The following HELQ variants were observed in gnomAD, a reference collection of about 807,000 sequenced individuals.
HELQ encodes helicase POLQ-like.
In HELQ, 77 loss-of-function variants were observed where a neutral mutation model predicts 111.6. That is an observed-to-expected ratio of 0.69 (90% confidence interval 0.57 to 0.83). The LOEUF (loss-of-function observed/expected upper bound fraction) is 0.83. Ranked by LOEUF, HELQ falls within the 40% of genes least tolerant of loss-of-function variation. HELQ has a pLI of 0.00. For synonymous variants in HELQ, 438 were observed against 454.7 expected (o/e 0.96, Z 0.47); for missense variants, 1,200 against 1,288.5 (o/e 0.93, Z 1.05).
rs780516261 is a variant in HELQ at position 83,448,864 on chromosome 4, C to T, written c.1110G>A (p.Glu370=). Residue 370 remains glutamate (E), a synonymous_variant, in exon 3 of 18, where the codon GAG becomes GAA. Transcript: ENST00000295488. ...AAAGCAGTTCTTGCAGCATTAAAATCTCAGCCACGAGGGTTTTTCCACCAC... is the reference window on the plus strand; with the variant it reads ...AAAGCAGTTCTTGCAGCATTAAAATTTCAGCCACGAGGGTTTTTCCACCAC... ...PTSGGKTLVA[E]ILMLQELLCC... 1 of 1,613,852 alleles carries T rather than the reference C, an allele frequency of 6.2e-7. No homozygotes were observed. Among genetic ancestry groups the T allele is most frequent in the East Asian group, 2.2e-5 (1 of 44,876 alleles).
chr4:83,413,144 A>T (rs941144622), intron 17 of HELQ, among the ~76,000 whole-genome samples: 12 of 152,102 alleles, frequency 7.9e-5, no homozygotes, highest in African/African-American at 2.4e-4. Context: ...CCATACCTTG[A>T]CCTATGAATC....
chr4:83,421,785 G>A, intron 14 of HELQ, 49 bp from the exon 15 acceptor site: 1 of 1,431,312 alleles, frequency 7.0e-7, no homozygotes, highest in Non-Finnish European at 9.7e-7. Context: ...TGCTAAAAAT[G>A]TATGTTATTA....
At chr4:83,429,372 C>T (rs1720021304) in intron 12 of HELQ, 152 bp downstream of exon 12, 3 of 597,608 alleles carry the variant, frequency 5.0e-6, no homozygotes, top group Non-Finnish European at 8.7e-6. Flanking sequence ...TGGTCTCAAA[C>T]TCCCAACCTC....
At chr4:83,413,359 C>A (rs916642081) in intron 17 of HELQ, among the ~76,000 whole-genome samples, 1 of 152,096 alleles carries the variant, frequency 6.6e-6, no homozygotes, top group African/African-American at 2.4e-5. Context: ...GGGGAGAAAT[C>A]CCTCACATTT....
intron 17 of HELQ, among the ~76,000 whole-genome samples, chr4:83,411,714 C>T (rs1384331492): frequency 6.6e-6 from 1 of 151,956 alleles, no homozygotes. Flanking sequence ...ATGATCATAG[C>T]TGATTGCAGC....
intron 2 of HELQ, among the ~76,000 whole-genome samples, chr4:83,452,196 A>C (rs973274134): frequency 2.6e-5 from 4 of 152,240 alleles, no homozygotes; most frequent in Admixed American, 2.6e-4. Flanking sequence ...AATGGCTTTG[A>C]ATGTGGCCCA....
intron 17 of HELQ, among the ~76,000 whole-genome samples, chr4:83,413,293 G>C (rs928260055): frequency 6.6e-6 from 1 of 152,230 alleles, no homozygotes; most frequent in Admixed American, 6.5e-5. Context: ...ACTCCAGCTA[G>C]ATAGTGTCAG....
chr4:83,415,062 G>T (rs996878364), intron 17 of HELQ, among the ~76,000 whole-genome samples: 3 of 152,124 alleles, frequency 2.0e-5, no homozygotes, highest in African/African-American at 7.2e-5. Context: ...AGCTAATTCT[G>T]ATTTATATAT....
At chr4:83,435,969 G>A (rs577400853) in intron 9 of HELQ, among the ~76,000 whole-genome samples, 9 of 100,916 alleles carry the variant, frequency 8.9e-5, no homozygotes, top group Admixed American at 5.2e-4. Context: ...AGGTACATAC[G>A]TGGCAAAAAA....
At chr4:83,430,733 T>C (rs879475665) in intron 11 of HELQ, among the ~76,000 whole-genome samples, 2 of 152,226 alleles carry the variant, frequency 1.3e-5, no homozygotes, top group African/African-American at 2.4e-5. Flanking sequence ...CTTCCCACTT[T>C]AATAAAAATC....
Position 83,439,867 on chromosome 4 carries a change from T to C in HELQ, c.1804A>G (p.Ser602Gly). The change falls in exon 8 of 18, where the codon AGC becomes GGC. Residue 602 changes from serine (S) to glycine (G), a missense_variant. Coordinates refer to ENST00000295488, the MANE Select transcript of HELQ (RefSeq NM_133636.5). Reference protein sequence around the residue: ...NVAEMICKFLSKEYLKHKEKE... With the variant: ...NVAEMICKFLGKEYLKHKEKE... ...ATTTAAAAAATATTAACATACTTGC[T>C]TAAAAATTTGCATATCATTTCTGCT... 6.4e-7 allele frequency: 1 copy of C among 1,569,662 alleles called. No individual in the cohort carries two copies. Among genetic ancestry groups the C allele is most frequent in the Non-Finnish European group, 8.7e-7 (1 of 1,144,640 alleles).
intron 1 of HELQ, chr4:83,455,169 G>A (rs939728058): frequency 1.3e-6 from 1 of 762,728 alleles, no homozygotes; most frequent in African/African-American, 1.8e-5. Context: ...CTAGATTTGT[G>A]TCTCAGTCAT....
Position 83,434,020 on chromosome 4 carries a change from A to G in HELQ, c.2049-1753T>C, listed in dbSNP as rs571053104. Among the ~76,000 whole-genome samples the G allele has an allele frequency of 2.6e-5, 4 of 152,030 alleles. No homozygotes were observed. In the East Asian group the frequency reaches 5.8e-4, roughly 22 times the overall value. On this transcript the variant is annotated intron_variant, in intron 9 of 17. Coordinates refer to ENST00000295488, the MANE Select transcript of HELQ (RefSeq NM_133636.5). The stretch of plus-strand genomic sequence containing the variant: ...AGGAGTAGACTATTATAAGGAAAGA[A>G]CAACAAAAGAGAGTTCTTAGAAATA...
chr4:83,454,994 A>C (rs1560563626), intron 1 of HELQ, among the ~76,000 whole-genome samples: 1 of 152,226 alleles, frequency 6.6e-6, no homozygotes, highest in Non-Finnish European at 1.5e-5. Flanking sequence ...GCAATATAGT[A>C]AAGTGATTAA....
rs60261463 is a variant in HELQ, at chr4:83,422,460, A to G, written c.2776-724T>C. 6.1e-3 allele frequency among the ~76,000 whole-genome samples: 928 copies of G among 152,270 alleles called. 54 individuals carry two copies. The East Asian group carries it at 0.1, about 17-fold the overall frequency. On this transcript the variant is annotated intron_variant, in intron 14 of 17. Transcript: ENST00000295488. Reference sequence around the variant, plus strand: ...CACCCTGGATTTACAGTAGGCTCTAAATTCAATGATTAGTGTCCTTATAAG... The same window carrying G: ...CACCCTGGATTTACAGTAGGCTCTAGATTCAATGATTAGTGTCCTTATAAG...
chr4:83,430,132 A>G (rs1052523020), intron 11 of HELQ, among the ~76,000 whole-genome samples: 1 of 151,634 alleles, frequency 6.6e-6, no homozygotes, highest in Non-Finnish European at 1.5e-5. Context: ...CTGTAAAAAC[A>G]TCCTTTAGCT....
At position 83,453,676 on chromosome 4, in the gene HELQ, A is replaced by G. The variant is rs1721533761; in HGVS notation, c.567T>C (p.Ala189=). The stretch of plus-strand genomic sequence containing the variant: ...AGGAAGGTACATCATACAAAAGATC[A>G]GCTCCAGGTTCAATAGTGACACCTT... ...GYEGVTIEPG[A]DLLYDVPSSQ... The change falls in exon 2 of 18, where the codon GCT becomes GCC. Residue 189 remains alanine, a synonymous_variant. Transcript: ENST00000295488. 6.2e-7 allele frequency: 1 copy of G among 1,614,178 alleles called. No homozygotes were observed. Among genetic ancestry groups the G allele is most frequent in the South Asian group, 1.1e-5 (1 of 91,078 alleles).
chr4:83,441,506 T>C, intron 6 of HELQ, 103 bp from the exon 7 acceptor site: 1 of 574,994 alleles, frequency 1.7e-6, no homozygotes. Flanking sequence ...TATAAAAGAG[T>C]TTAGCTTTTC....
intron 7 of HELQ, among the ~76,000 whole-genome samples, chr4:83,440,365 G>A (rs776601473): frequency 5.1e-4 from 78 of 152,072 alleles, no homozygotes; most frequent in Non-Finnish European, 1.0e-3. Flanking sequence ...GAGAAACACA[G>A]ATTGATCCTA....
Sources: gnomAD v4.1 joint callset for allele counts (sites outside exome capture counted in the v4.1 genomes callset) on GRCh38, gnomAD v4.1.1 for gene constraint, MANE v1.5 for transcripts, NCBI Gene and HGNC (gene_info 2026-07-23, HGNC 2026-07-21) for gene names.